GJB7: variants seen among roughly 807,000 people sequenced by gnomAD.
The protein encoded by GJB7 is gap junction protein beta 7, also known as gap junction beta-7 protein.
For missense variants in GJB7, 253 were observed against 256.8 expected (o/e 0.99, Z 0.10); for synonymous variants, 87 against 95.2 (o/e 0.91, Z 0.50).
At chr6:87,296,048 G>A (rs73485865) in intron 2 of GJB7, among the ~76,000 whole-genome samples, 230 of 152,292 alleles carry the variant, frequency 1.5e-3, no homozygotes, top group Middle Eastern at 6.8e-3. Flanking sequence ...ACTCTTCAGC[G>A]TTTTGTGGAT....
At chr6:87,312,867 G>A (rs111788734) in intron 2 of GJB7, among the ~76,000 whole-genome samples, 336 of 152,280 alleles carry the variant, frequency 2.2e-3, no homozygotes, top group Non-Finnish European at 3.9e-3. Context: ...GGCTGAAAGA[G>A]ACAGGGCATT....
At chr6:87,302,823 G>A (rs568556693) in intron 2 of GJB7, among the ~76,000 whole-genome samples, 35 of 152,302 alleles carry the variant, frequency 2.3e-4, no homozygotes, top group East Asian at 7.7e-4. Context: ...GACTAACAGC[G>A]GATCTCTTGG....
intron 2 of GJB7, among the ~76,000 whole-genome samples, chr6:87,286,491 C>G (rs777863193): frequency 1.2e-4 from 18 of 152,198 alleles, no homozygotes; most frequent in Non-Finnish European, 2.5e-4. Flanking sequence ...GTCTCATTAT[C>G]TCCTTCCCTC....
At chr6:87,318,846 G>A (rs1333458030) in intron 2 of GJB7, among the ~76,000 whole-genome samples, 1 of 151,996 alleles carries the variant, frequency 6.6e-6, no homozygotes, top group Non-Finnish European at 1.5e-5. Context: ...TTGGCTTTCT[G>A]GTAGGAAAAG....
chr6:87,312,481 A>G (rs1417217106), intron 2 of GJB7, among the ~76,000 whole-genome samples: 1 of 147,976 alleles, frequency 6.8e-6, no homozygotes, highest in Non-Finnish European at 1.5e-5. Context: ...ACTGCACTCT[A>G]GCCTGGGCAA....
At chr6:87,319,018 A>G (rs1451947355) in intron 2 of GJB7, among the ~76,000 whole-genome samples, 3 of 152,240 alleles carry the variant, frequency 2.0e-5, no homozygotes, top group Non-Finnish European at 2.9e-5. Flanking sequence ...AGGCTCCCAG[A>G]CCACCAGTGT....
In GJB7 at chr6:87,316,135, C is replaced by G. The variant is rs575543264; in HGVS notation, c.-28+6731G>C. On this transcript the variant is annotated intron_variant, in intron 2 of 2. Transcript: ENST00000525899. ...CAAGAAAACTTGCTGTTCTCAATTTCTTCTGTATACATGAGCTGATGCGCA... is the reference window on the plus strand; with the variant it reads ...CAAGAAAACTTGCTGTTCTCAATTTGTTCTGTATACATGAGCTGATGCGCA... 3.3e-5 allele frequency among the ~76,000 whole-genome samples: 5 copies of G among 152,274 alleles called. No individual in the cohort carries two copies. The South Asian group carries it at 1.0e-3, about 32-fold the overall frequency.
chr6:87,322,487 A>C (rs981065701), intron 2 of GJB7: 8 of 152,376 alleles, frequency 5.3e-5, no homozygotes, highest in Non-Finnish European at 1.0e-4. Flanking sequence ...GGGTCCCCGC[A>C]GCCCCGCGCC....
chr6:87,308,180 A>T (rs999545069), intron 2 of GJB7, among the ~76,000 whole-genome samples: 1 of 151,072 alleles, frequency 6.6e-6, no homozygotes, highest in African/African-American at 2.4e-5. Context: ...GAACAATGAG[A>T]ACACTTGGAC....
intron 1 of GJB7, among the ~76,000 whole-genome samples, chr6:87,327,559 C>T (rs1776859101): frequency 6.7e-6 from 1 of 150,036 alleles, no homozygotes; most frequent in African/African-American, 2.4e-5. Context: ...AAATTCTTTT[C>T]TTTAAGAATG....
intron 2 of GJB7, among the ~76,000 whole-genome samples, chr6:87,290,777 A>G (rs1776157000): frequency 6.6e-6 from 1 of 152,228 alleles, no homozygotes; most frequent in Admixed American, 6.5e-5. Flanking sequence ...ACTGTTGTCG[A>G]TGGCTGCTTT....
At chr6:87,304,876 C>A (rs1776398312) in intron 2 of GJB7, among the ~76,000 whole-genome samples, 1 of 152,158 alleles carries the variant, frequency 6.6e-6, no homozygotes, top group African/African-American at 2.4e-5. Context: ...TCAACATATG[C>A]AAATCAATGA....
intron 2 of GJB7, among the ~76,000 whole-genome samples, chr6:87,285,423 GCTT>G (rs1776043190): frequency 2.6e-5 from 4 of 152,202 alleles, no homozygotes; most frequent in South Asian, 4.1e-4. Context: ...ACCTGCCCCT[GCTT>G]CTTCTTGGTT....
At chr6:87,313,309 T>C (rs1408392054) in intron 2 of GJB7, among the ~76,000 whole-genome samples, 1 of 152,228 alleles carries the variant, frequency 6.6e-6, no homozygotes, top group Admixed American at 6.5e-5. Context: ...TTTTCAGTTT[T>C]ATTTGAGGCA....
chr6:87,285,726 TC>T (rs1776049698), intron 2 of GJB7, among the ~76,000 whole-genome samples: 1 of 152,218 alleles, frequency 6.6e-6, no homozygotes, highest in South Asian at 2.1e-4. Flanking sequence ...TTAAGTGTTG[TC>T]CATTTTTAGT....
At chr6:87,314,621 C>T (rs1444534697) in intron 2 of GJB7, among the ~76,000 whole-genome samples, 1 of 152,188 alleles carries the variant, frequency 6.6e-6, no homozygotes, top group African/African-American at 2.4e-5. Flanking sequence ...TTGACTTTAT[C>T]TCACTCCCAC....
At chr6:87,303,874 C>T (rs1233870667) in intron 2 of GJB7, among the ~76,000 whole-genome samples, 1 of 152,194 alleles carries the variant, frequency 6.6e-6, no homozygotes, top group Non-Finnish European at 1.5e-5. Context: ...AAGAAACTCA[C>T]TCAAAACCAC....
At chr6:87,299,849 G>C (rs572462885) in intron 2 of GJB7, 1 of 202,540 alleles carries the variant, frequency 4.9e-6, no homozygotes, top group Admixed American at 6.0e-5. Context: ...TCCTTTTAAG[G>C]CTCAAATTGA....
rs1487613866 is a variant in GJB7, at chr6:87,288,766, G to C, written c.-27-3827C>G. Among the ~76,000 whole-genome samples, 3 of 152,046 alleles carry C rather than the reference G, an allele frequency of 2.0e-5. No homozygotes were observed. The East Asian group carries it at 5.8e-4, about 29-fold the overall frequency. ...AACCCCACATCCAATCTACATTCAAGGCCAAAGTTTTTACCTTTGAAATAC... is the reference window on the plus strand; with the variant it reads ...AACCCCACATCCAATCTACATTCAACGCCAAAGTTTTTACCTTTGAAATAC... On this transcript the variant is annotated intron_variant, in intron 2 of 2. Transcript: ENST00000525899.
Sources: gnomAD v4.1 joint callset for allele counts (sites outside exome capture counted in the v4.1 genomes callset) on GRCh38, gnomAD v4.1.1 for gene constraint, MANE v1.5 for transcripts, NCBI Gene and HGNC (gene_info 2026-07-23, HGNC 2026-07-21) for gene names.